PBRM1: variants seen among roughly 807,000 people sequenced by gnomAD.
PBRM1 encodes polybromo 1, also known as protein polybromo-1.
In PBRM1, 27 loss-of-function variants were observed where a neutral mutation model predicts 194.5. The ratio of observed to expected loss-of-function variants is 0.14; its 90% CI spans 0.10 to 0.19. PBRM1 has a LOEUF of 0.19. Ranked by LOEUF, PBRM1 falls within the 10% of genes least tolerant of loss-of-function variation. The pLI is 1.00. For synonymous variants in PBRM1, 655 were observed against 693.2 expected, an observed-to-expected ratio of 0.94 and a Z score of 0.87; for missense variants, 1,466 against 2,077.2, an observed-to-expected ratio of 0.71 and a Z score of 5.72.
At chr3:52,623,272 C>T (rs1021022497) in intron 13 of PBRM1, among the ~76,000 whole-genome samples, 1 of 152,208 alleles carries the variant, frequency 6.6e-6, no homozygotes, top group Non-Finnish European at 1.5e-5. Flanking sequence ...GCACTCCAGT[C>T]TGGGCAACAC....
chr3:52,616,946 A>G (rs533735426), intron 14 of PBRM1, among the ~76,000 whole-genome samples: 1 of 152,180 alleles, frequency 6.6e-6, no homozygotes, highest in East Asian at 1.9e-4. Context: ...TTTAAATCCT[A>G]CAACAACCCT....
chr3:52,597,802 C>T (rs1211923200), intron 17 of PBRM1, among the ~76,000 whole-genome samples: 1 of 152,090 alleles, frequency 6.6e-6, no homozygotes, highest in Non-Finnish European at 1.5e-5. Context: ...CTCCCAGGTT[C>T]AAGCAATTCT....
At chr3:52,638,883 G>A (rs2095939440) in intron 10 of PBRM1, among the ~76,000 whole-genome samples, 1 of 150,794 alleles carries the variant, frequency 6.6e-6, no homozygotes, top group South Asian at 2.1e-4. Flanking sequence ...ACAGGTGTGA[G>A]CCAGCCTTTT....
At chr3:52,560,935 T>G (rs1158529302) in intron 25 of PBRM1, among the ~76,000 whole-genome samples, 1 of 149,718 alleles carries the variant, frequency 6.7e-6, no homozygotes, top group African/African-American at 2.5e-5. Flanking sequence ...CTAAGAAGAG[T>G]AGTGGTTGAC....
chr3:52,624,907 TCCTGAG>T, intron 13 of PBRM1: 1 of 1,545,830 alleles, frequency 6.5e-7, no homozygotes, highest in Non-Finnish European at 8.8e-7. Flanking sequence ...CTGGATAGCC[TCCTGAG>T]ACCCAACATC....
chr3:52,595,770 CAT>C (rs2093481142), intron 17 of PBRM1, among the ~76,000 whole-genome samples: 1 of 152,182 alleles, frequency 6.6e-6, no homozygotes, highest in Non-Finnish European at 1.5e-5. Flanking sequence ...CCAGTAGTTT[CAT>C]AGTTTCAGGT....
chr3:52,654,371 A>T (rs2096567952), intron 5 of PBRM1, among the ~76,000 whole-genome samples: 1 of 152,144 alleles, frequency 6.6e-6, no homozygotes, highest in Non-Finnish European at 1.5e-5. Flanking sequence ...TCTACTTCTG[A>T]GAGAAAGTTC....
At chr3:52,659,778 A>G in intron 4 of PBRM1, among the ~76,000 whole-genome samples, 1 of 152,100 alleles carries the variant, frequency 6.6e-6, no homozygotes, top group Non-Finnish European at 1.5e-5. Context: ...TTCTCCCTCC[A>G]TGAGAATCAT....
chr3:52,640,157 C>T (rs1404160942), intron 10 of PBRM1, among the ~76,000 whole-genome samples: 1 of 151,922 alleles, frequency 6.6e-6, no homozygotes. Flanking sequence ...GTTTGAAAGT[C>T]CATCTTATCA....
chr3:52,679,922 T>C (rs2097174652), upstream of PBRM1, among the ~76,000 whole-genome samples: 1 of 152,134 alleles, frequency 6.6e-6, no homozygotes, highest in Non-Finnish European at 1.5e-5. Flanking sequence ...CAGAATGCTA[T>C]ACTTCCAATT....
At chr3:52,624,920 C>T in intron 13 of PBRM1, 2 of 1,548,400 alleles carry the variant, frequency 1.3e-6, no homozygotes, top group Non-Finnish European at 1.7e-6. Context: ...TGAGACCCAA[C>T]ATCTCACTGT....
intron 15 of PBRM1, among the ~76,000 whole-genome samples, chr3:52,615,090 T>C (rs2094887444): frequency 1.3e-5 from 2 of 152,188 alleles, no homozygotes; most frequent in South Asian, 4.1e-4. Context: ...AATCTATTCT[T>C]ACTATTTAAA....
chr3:52,599,666 A>G, intron 17 of PBRM1, among the ~76,000 whole-genome samples: 1 of 151,372 alleles, frequency 6.6e-6, no homozygotes, highest in East Asian at 1.9e-4. Context: ...AAAAAAAAAA[A>G]AAAAGAAAAA....
chr3:52,547,305 T>C (rs967957236), downstream of PBRM1: 7 of 232,930 alleles, frequency 3.0e-5, no homozygotes, highest in Admixed American at 1.1e-4. Context: ...ACTGACACCA[T>C]AGTCTAACTC....
chr3:52,629,372 C>G (rs535386249), intron 11 of PBRM1, among the ~76,000 whole-genome samples: 1 of 152,150 alleles, frequency 6.6e-6, no homozygotes, highest in African/African-American at 2.4e-5. Context: ...ATAGTTCATA[C>G]GTGAACCTTA....
chr3:52,583,818 A>T (rs751346103), intron 20 of PBRM1, among the ~76,000 whole-genome samples: 7 of 152,156 alleles, frequency 4.6e-5, no homozygotes, highest in Non-Finnish European at 8.8e-5. Flanking sequence ...AAATTCTAAA[A>T]ATCTTCTGTA....
At chr3:52,561,928 C>T (rs1199584083) in exon 25 of PBRM1, 1 of 1,614,106 alleles carries the variant, frequency 6.2e-7, no homozygotes, top group Non-Finnish European at 8.5e-7. Flanking sequence ...CCGTTTGGAG[C>T]CTTCCTTCTT....
rs958161759 is a variant in PBRM1 at position 52,668,420 on chromosome 3, G to A, written c.384+78C>T. 562 of 1,060,450 alleles carry A rather than the reference G, an allele frequency of 5.3e-4. 5 individuals carry two copies. The highest frequency in any genetic ancestry group is 1.5e-4 in the Admixed American group (5 of 32,916). The allele number at this position is 1,060,450 out of a possible 1,614,324, so 65.7% of individuals were successfully genotyped here. On this transcript the variant is annotated intron_variant, in intron 3 of 29. Coordinates refer to ENST00000296302, the Ensembl canonical transcript of PBRM1. ...AAAAGAAACTACTACTCACCTGCCA[G>A]GTTTATAAATATTAAGAAGCCAATT...
chr3:52,675,781 T>C (rs1035154710), intron 2 of PBRM1, among the ~76,000 whole-genome samples: 4 of 152,156 alleles, frequency 2.6e-5, no homozygotes, highest in Non-Finnish European at 5.9e-5. Flanking sequence ...CACAGTCTTT[T>C]CAACAAACGA....
Sources: allele counts gnomAD v4.1 joint callset (sites outside exome capture counted in the v4.1 genomes callset), GRCh38; gene constraint gnomAD v4.1.1; transcripts MANE v1.5; gene names NCBI Gene and HGNC (gene_info 2026-07-23, HGNC 2026-07-21).